The following CAPRIN2 variants were observed in gnomAD, a reference collection of about 807,000 sequenced individuals.
CAPRIN2 encodes the protein caprin-2.
A neutral mutation model predicts 130.4 loss-of-function variants in CAPRIN2; 66 were observed. The observed-to-expected ratio is 0.51, with a 90% confidence interval of 0.42 to 0.62. The LOEUF is 0.62. Ranked by LOEUF, CAPRIN2 falls within the 20% of genes least tolerant of loss-of-function variation. The pLI is 0.00. For missense variants in CAPRIN2, 1,185 were observed against 1,246.6 expected, an observed-to-expected ratio of 0.95 and a Z score of 0.74; for synonymous variants, 471 against 444.1, an observed-to-expected ratio of 1.06 and a Z score of -0.76.
intron 11 of CAPRIN2, among the ~76,000 whole-genome samples, chr12:30,722,972 C>T (rs980167876): frequency 6.6e-6 from 1 of 152,158 alleles, no homozygotes; most frequent in Non-Finnish European, 1.5e-5. Context: ...AACTAAATTA[C>T]TTAAGTAGCT....
chr12:30,751,089 A>G, exon 2 of CAPRIN2: 1 of 1,613,876 alleles, frequency 6.2e-7, no homozygotes, highest in Non-Finnish European at 8.5e-7. Flanking sequence ...CTGGATTAAG[A>G]TGCTCTCCAC....
intron 2 of CAPRIN2, 111 bp from the exon 4 acceptor site, chr12:30,741,217 C>T: frequency 5.6e-6 from 3 of 531,826 alleles, no homozygotes; most frequent in South Asian, 7.6e-5. Context: ...TGGCTATTTA[C>T]TATACATACA....
intron 14 of CAPRIN2, among the ~76,000 whole-genome samples, chr12:30,714,721 C>T (rs1015994766): frequency 5.9e-5 from 9 of 152,116 alleles, no homozygotes; most frequent in Admixed American, 3.9e-4. Context: ...CTTTGTAAAA[C>T]AATATGGTGA....
chr12:30,715,337 C>T (rs1402937346), intron 13 of CAPRIN2, 196 bp from the exon 16 acceptor site: 1 of 649,092 alleles, frequency 1.5e-6, no homozygotes, highest in Non-Finnish European at 2.7e-6. Context: ...ATTATTCAGC[C>T]TAAAAAAGGA....
At chr12:30,720,866 G>C in exon 12 of CAPRIN2, 1 of 1,613,816 alleles carries the variant, frequency 6.2e-7, no homozygotes. Flanking sequence ...AGCCTGATCG[G>C]TAGTAACCAA....
intron 2 of CAPRIN2, among the ~76,000 whole-genome samples, chr12:30,746,178 T>C (rs2070209628): frequency 6.6e-6 from 1 of 152,162 alleles, no homozygotes; most frequent in Admixed American, 6.5e-5. Flanking sequence ...GCACAGAGAA[T>C]TTTTAGGGCA....
At chr12:30,727,805 GGAAATA>G (rs1212955360) in intron 8 of CAPRIN2, among the ~76,000 whole-genome samples, 2 of 152,080 alleles carry the variant, frequency 1.3e-5, no homozygotes, top group Non-Finnish European at 2.9e-5. Flanking sequence ...ATTTTGAAAT[GGAAATA>G]GAGAACTAAT....
chr12:30,723,228 C>A (rs1468439990), intron 11 of CAPRIN2, 31 bp downstream of exon 12: 4 of 1,486,458 alleles, frequency 2.7e-6, no homozygotes, highest in African/African-American at 1.4e-5. Flanking sequence ...CCTTGAGCAG[C>A]AAAGAATAAA....
chr12:30,739,709 CG>C (rs1480244653), intron 3 of CAPRIN2, among the ~76,000 whole-genome samples: 2 of 141,434 alleles, frequency 1.4e-5, no homozygotes, highest in Admixed American at 1.4e-4. Context: ...GGCAAGACTC[CG>C]TCTCAAAAAA....
intron 11 of CAPRIN2, among the ~76,000 whole-genome samples, 170 bp downstream of exon 12, chr12:30,723,089 C>T (rs764735796): frequency 1.2e-4 from 18 of 152,114 alleles, no homozygotes; most frequent in Non-Finnish European, 2.4e-4. Flanking sequence ...GCATAGTCAT[C>T]GGGGAATCAT....
exon 15 of CAPRIN2, chr12:30,713,794 A>G (rs894836258): frequency 1.3e-5 from 21 of 1,592,386 alleles, no homozygotes; most frequent in Non-Finnish European, 1.7e-5. Context: ...CCCTTTGGGA[A>G]TAAGGTGCTC....
intron 6 of CAPRIN2, among the ~76,000 whole-genome samples, 183 bp downstream of exon 7, chr12:30,731,160 G>C (rs1357334852): frequency 6.6e-6 from 1 of 152,074 alleles, no homozygotes; most frequent in South Asian, 2.1e-4. Context: ...GTTTCACTCG[G>C]TAAATCATGG....
At chr12:30,751,297 C>A in intron 1 of CAPRIN2, 164 bp from the exon 3 acceptor site, 1 of 605,160 alleles carries the variant, frequency 1.7e-6, no homozygotes, top group South Asian at 1.9e-5. Flanking sequence ...AGATGAGTTC[C>A]AGTCAGGGGA....
At chr12:30,733,001 G>A (rs1284242646) in intron 5 of CAPRIN2, among the ~76,000 whole-genome samples, 1 of 152,024 alleles carries the variant, frequency 6.6e-6, no homozygotes, top group Non-Finnish European at 1.5e-5. Flanking sequence ...GAAATCTTAA[G>A]ATAGTTATAG....
chr12:30,750,285 A>C (rs1248192532), intron 2 of CAPRIN2, among the ~76,000 whole-genome samples: 2 of 152,202 alleles, frequency 1.3e-5, no homozygotes, highest in African/African-American at 4.8e-5. Flanking sequence ...ATGTATAGCG[A>C]AAGATTTCAG....
At chr12:30,711,868 A>G in intron 15 of CAPRIN2, 1 of 646,056 alleles carries the variant, frequency 1.5e-6, no homozygotes, top group Non-Finnish European at 2.9e-6. Flanking sequence ...TAATACCTGA[A>G]AAACAACAAA....
At chr12:30,716,457 T>C (rs576961515) in intron 13 of CAPRIN2, 51 bp downstream of exon 15, 2 of 1,523,456 alleles carry the variant, frequency 1.3e-6, no homozygotes, top group African/African-American at 2.7e-5. Context: ...TGCTGTCCAT[T>C]CAATTGGCTG....
intron 2 of CAPRIN2, among the ~76,000 whole-genome samples, chr12:30,747,040 G>C (rs12423511): frequency 1.3e-5 from 2 of 152,110 alleles, no homozygotes; most frequent in Non-Finnish European, 2.9e-5. Context: ...GTCTAATGCA[G>C]CTGATGACTT....
intron 2 of CAPRIN2, among the ~76,000 whole-genome samples, chr12:30,750,313 A>C (rs962350051): frequency 6.6e-6 from 1 of 152,322 alleles, no homozygotes; most frequent in Middle Eastern, 3.4e-3. Flanking sequence ...ACATAAAGAC[A>C]AAAGACCCAC....
Sources: allele counts gnomAD v4.1 joint callset (sites outside exome capture counted in the v4.1 genomes callset), GRCh38; gene constraint gnomAD v4.1.1; transcripts MANE v1.5; gene names NCBI Gene and HGNC (gene_info 2026-07-23, HGNC 2026-07-21).